The following TUSC3 variants were observed in gnomAD, a reference collection of about 807,000 sequenced individuals.
TUSC3 encodes tumor suppressor candidate 3, also known as dolichyl-diphosphooligosaccharide--protein glycosyltransferase subunit TUSC3.
Under a neutral mutation model 44.8 loss-of-function variants are expected in TUSC3, and 45 were observed. The ratio of observed to expected loss-of-function variants is 1.00; its 90% CI spans 0.79 to 1.29. The LOEUF (loss-of-function observed/expected upper bound fraction) is 1.29. TUSC3 is among the 50% of genes most tolerant of loss of function. The pLI, the probability that TUSC3 is intolerant of heterozygous loss-of-function variation, is 0.00. For missense variants in TUSC3, 519 were observed against 437.9 expected (o/e 1.19, Z -1.65); for synonymous variants, 212 against 152.9 (o/e 1.39, Z -2.85).
chr8:15,621,443 A>C (rs574018968), intron 1 of TUSC3, among the ~76,000 whole-genome samples: 112 of 149,870 alleles, frequency 7.5e-4, no homozygotes, highest in African/African-American at 2.7e-3. Flanking sequence ...CAGAGAGATA[A>C]GTTATCATTT....
At chr8:15,603,484 A>G (rs1203288187) in intron 1 of TUSC3, among the ~76,000 whole-genome samples, 1 of 151,602 alleles carries the variant, frequency 6.6e-6, no homozygotes, top group Admixed American at 6.6e-5. Context: ...CTGTGGGCGT[A>G]TTTGACAGTC....
At chr8:15,696,946 T>C (rs1809196386) in intron 6 of TUSC3, among the ~76,000 whole-genome samples, 1 of 152,148 alleles carries the variant, frequency 6.6e-6, no homozygotes, top group Admixed American at 6.5e-5. Context: ...TTGGTAATTT[T>C]TAAATTACCA....
chr8:15,612,884 C>G (rs1271865369), intron 1 of TUSC3, among the ~76,000 whole-genome samples: 2 of 152,146 alleles, frequency 1.3e-5, no homozygotes, highest in South Asian at 2.1e-4. Flanking sequence ...CCACTCTTCA[C>G]TGATCGGACC....
chr8:15,427,796 C>T (rs73189465), intron 1 of TUSC3, among the ~76,000 whole-genome samples: 19,008 of 151,908 alleles, frequency 0.13, 1,284 homozygotes, highest in Middle Eastern at 0.21. Context: ...GTTGCCTGTG[C>T]TTTGTTGTCA....
chr8:15,489,822 C>G (rs1166885404), intron 2 of TUSC3, among the ~76,000 whole-genome samples: 1 of 152,256 alleles, frequency 6.6e-6, no homozygotes, highest in African/African-American at 2.4e-5. Context: ...TTTGGAATCC[C>G]CTTGGCCAAC....
intron 2 of TUSC3, among the ~76,000 whole-genome samples, chr8:15,523,249 G>C (rs557007300): frequency 3.9e-5 from 6 of 152,256 alleles, no homozygotes; most frequent in African/African-American, 1.4e-4. Context: ...TCTGTGTAAA[G>C]CCTGAAGGAA....
chr8:15,420,780 C>G (rs1263062272), intron 1 of TUSC3, among the ~76,000 whole-genome samples: 1 of 152,122 alleles, frequency 6.6e-6, no homozygotes, highest in Non-Finnish European at 1.5e-5. Context: ...CAGTGATGCA[C>G]TTTCTTCACT....
chr8:15,812,378 A>G, the TUSC3 span, among the ~76,000 whole-genome samples: 3 of 152,198 alleles, frequency 2.0e-5, no homozygotes, highest in African/African-American at 7.2e-5. Context: ...GCACATATTG[A>G]TAAAACTACC....
chr8:15,845,132 A>G, the TUSC3 span, among the ~76,000 whole-genome samples: 1 of 152,154 alleles, frequency 6.6e-6, no homozygotes, highest in Non-Finnish European at 1.5e-5. Flanking sequence ...TTAGAACAAG[A>G]AGAAACCTCA....
the TUSC3 span, among the ~76,000 whole-genome samples, chr8:15,825,829 A>AAGGC: frequency 6.8e-6 from 1 of 148,072 alleles, no homozygotes; most frequent in South Asian, 2.2e-4. Context: ...TCTTAACTGT[A>AAGGC]TGGTAATTCT....
At chr8:15,728,309 T>C (rs1810581097) in intron 6 of TUSC3, among the ~76,000 whole-genome samples, 1 of 152,134 alleles carries the variant, frequency 6.6e-6, no homozygotes, top group African/African-American at 2.4e-5. Context: ...CAAGAGATGA[T>C]GAGTGGCTGG....
chr8:15,665,474 T>C (rs1175834570), intron 5 of TUSC3, among the ~76,000 whole-genome samples: 1 of 151,442 alleles, frequency 6.6e-6, no homozygotes, highest in East Asian at 1.9e-4. Context: ...CATATTTTTT[T>C]TGTCTTTTTT....
intron 7 of TUSC3, among the ~76,000 whole-genome samples, chr8:15,736,803 A>C (rs2604340): frequency 6.6e-6 from 1 of 151,914 alleles, no homozygotes; most frequent in Middle Eastern, 3.2e-3. Context: ...AACCAGATCA[A>C]ATTAGTTTCC....
chr8:15,722,876 T>C (rs1048131137), intron 6 of TUSC3, among the ~76,000 whole-genome samples: 3 of 152,032 alleles, frequency 2.0e-5, no homozygotes, highest in African/African-American at 7.2e-5. Context: ...CCTGAATATA[T>C]AGCCTTTCTG....
chr8:15,821,313 T>G, the TUSC3 span, among the ~76,000 whole-genome samples: 1 of 152,028 alleles, frequency 6.6e-6, no homozygotes, highest in East Asian at 1.9e-4. Flanking sequence ...CATTTGAGAT[T>G]ATTTTATCTC....
intron 1 of TUSC3, among the ~76,000 whole-genome samples, chr8:15,575,532 G>A (rs747491): frequency 0.027 from 4,132 of 152,214 alleles, 205 homozygotes; most frequent in East Asian, 0.22. Context: ...TTGGGAGGCC[G>A]AGGTTAGGCA....
chr8:15,641,152 A>C (rs1806347506), intron 2 of TUSC3, among the ~76,000 whole-genome samples: 2 of 151,688 alleles, frequency 1.3e-5, no homozygotes, highest in South Asian at 4.2e-4. Flanking sequence ...TTAGGTCAAG[A>C]GATCGAGACC....
At chr8:15,596,779 G>C (rs1804088878) in intron 1 of TUSC3, among the ~76,000 whole-genome samples, 1 of 151,894 alleles carries the variant, frequency 6.6e-6, no homozygotes, top group African/African-American at 2.4e-5. Context: ...TTTTGGTTGG[G>C]GTTGAATATA....
chr8:15,788,601 A>G, the TUSC3 span, among the ~76,000 whole-genome samples: 1 of 152,018 alleles, frequency 6.6e-6, no homozygotes, highest in Non-Finnish European at 1.5e-5. Context: ...AACAAAACTG[A>G]AGAAAATCAG....
Sources: allele counts gnomAD v4.1 joint callset (sites outside exome capture counted in the v4.1 genomes callset), GRCh38; gene constraint gnomAD v4.1.1; transcripts MANE v1.5; gene names NCBI Gene and HGNC (gene_info 2026-07-23, HGNC 2026-07-21).